RTN4: variants seen among roughly 807,000 people sequenced by gnomAD.
RTN4 encodes reticulon 4, also known as reticulon-4.
Under a neutral mutation model 90.4 loss-of-function variants are expected in RTN4, and 32 were observed. That is an observed-to-expected ratio of 0.35 (90% CI 0.27 to 0.48). The LOEUF (loss-of-function observed/expected upper bound fraction) is 0.48. Ranked by LOEUF, RTN4 falls within the 20% of genes least tolerant of loss-of-function variation. The pLI is 0.99. For missense variants in RTN4, 1,706 were observed against 1,430.2 expected (o/e 1.19, Z -3.11); for synonymous variants, 629 against 552.5 (o/e 1.14, Z -1.94).
intron 3 of RTN4, among the ~76,000 whole-genome samples, chr2:55,008,308 C>T (rs1274755117): frequency 6.6e-6 from 1 of 151,978 alleles, no homozygotes; most frequent in African/African-American, 2.4e-5. Flanking sequence ...CTAGATTAGG[C>T]TCCTTCTCTG....
intron 1 of RTN4, among the ~76,000 whole-genome samples, chr2:55,084,415 A>C (rs1183724814): frequency 6.6e-6 from 1 of 151,446 alleles, no homozygotes; most frequent in Non-Finnish European, 1.5e-5. Flanking sequence ...TGCTGGGATT[A>C]CAGGTGTGAG....
rs1325929250 is a variant in RTN4, at chr2:54,987,719, C to A, written c.3014-21G>T. 18 of 1,563,460 alleles carry A rather than the reference C, an allele frequency of 1.2e-5. No individual in the cohort carries two copies. In the African/African-American group the frequency reaches 2.3e-4, roughly 20 times the overall value. Reference sequence around the variant, plus strand: ...AACAACTAAAAATTGAAAAAGAAATCTGAAATTAGAATGTTATTTTATCAA... The same window carrying A: ...AACAACTAAAAATTGAAAAAGAAATATGAAATTAGAATGTTATTTTATCAA... On this transcript the variant is annotated intron_variant, in intron 3 of 8. Transcript: ENST00000337526.
chr2:55,132,941 G>T, the RTN4 span, among the ~76,000 whole-genome samples: 1 of 150,990 alleles, frequency 6.6e-6, no homozygotes, highest in Non-Finnish European at 1.5e-5. Context: ...GCCGGGTGTG[G>T]TGGCTCACAC....
intron 1 of RTN4, among the ~76,000 whole-genome samples, chr2:55,033,328 C>CA (rs1371316599): frequency 1.3e-5 from 2 of 152,288 alleles, no homozygotes; most frequent in East Asian, 3.9e-4. Flanking sequence ...AAAAAACTGA[C>CA]AATCTAAAAT....
chr2:55,118,285 T>A, the RTN4 span, among the ~76,000 whole-genome samples: 1 of 152,096 alleles, frequency 6.6e-6, no homozygotes, highest in Non-Finnish European at 1.5e-5. Flanking sequence ...AGCAACATAC[T>A]GGGACCTTGC....
At position 55,086,066 on chromosome 2, in the gene RTN4, C is replaced by T. The variant is rs376557818; in HGVS notation, c.-213-5427G>A. Among the ~76,000 whole-genome samples the T allele has an allele frequency of 1.2e-4, 19 of 152,304 alleles. No individual in the cohort carries two copies. The East Asian group carries it at 3.5e-3, about 28-fold the overall frequency. Reference sequence around the variant, plus strand: ...TCTTCATCAGATAGAGCCCTTTCTTCATCACATGGACACTGTGAACAGAAG... The same window carrying T: ...TCTTCATCAGATAGAGCCCTTTCTTTATCACATGGACACTGTGAACAGAAG... On this transcript the variant is annotated intron_variant, in intron 1 of 3. Transcript: ENST00000427710.
intron 2 of RTN4, among the ~76,000 whole-genome samples, chr2:55,063,946 C>T (rs1407924939): frequency 6.6e-6 from 1 of 151,950 alleles, no homozygotes; most frequent in Non-Finnish European, 1.5e-5. Context: ...GCAGGCCAAG[C>T]GCAGTGGCTC....
intron 1 of RTN4, among the ~76,000 whole-genome samples, chr2:55,041,568 A>T (rs1683079943): frequency 6.6e-6 from 1 of 152,116 alleles, no homozygotes; most frequent in African/African-American, 2.4e-5. Flanking sequence ...ATACTACAAG[A>T]ATATGACAAA....
intron 1 of RTN4, among the ~76,000 whole-genome samples, chr2:55,029,631 T>C (rs1021330853): frequency 6.6e-6 from 1 of 152,192 alleles, no homozygotes; most frequent in Non-Finnish European, 1.5e-5. Context: ...TTACCCTTAA[T>C]GAATTAGGAG....
intron 6 of RTN4, chr2:54,974,204 G>A (rs556885086): frequency 7.7e-6 from 2 of 259,140 alleles, no homozygotes; most frequent in South Asian, 1.1e-4. Flanking sequence ...TTTGTTAGTA[G>A]GAGCTGTCTT....
At chr2:55,059,211 C>A (rs1668245533) in intron 2 of RTN4, among the ~76,000 whole-genome samples, 1 of 151,834 alleles carries the variant, frequency 6.6e-6, no homozygotes, top group Admixed American at 6.6e-5. Flanking sequence ...ATGTAAAGCA[C>A]CACAGAAAAA....
intron 2 of RTN4, among the ~76,000 whole-genome samples, chr2:55,074,830 C>T (rs1001024926): frequency 1.3e-5 from 2 of 152,158 alleles, no homozygotes; most frequent in Non-Finnish European, 2.9e-5. Context: ...ACAAAAATCA[C>T]ATGATTATCT....
Position 55,026,801 on chromosome 2 carries a change from T to C in RTN4, c.1298A>G (p.Asn433Ser). Residue 433 changes from asparagine to serine, a missense_variant, in exon 3 of 9, where the codon AAT (asparagine) becomes AGT (serine). Asn to Ser is a conservative substitution (Grantham distance 46). Transcript: ENST00000337526. Reference sequence around the variant, plus strand: ...ACTACTCTCACTATCTTTTTCGTGATTAGTTTGCTCAAGGCTATCTGCAAA... The same window carrying C: ...ACTACTCTCACTATCTTTTTCGTGACTAGTTTGCTCAAGGCTATCTGCAAA... ...KCFADSLEQT[N>S]HEKDSESSND... 2.5e-6 allele frequency: 4 copies of C among 1,614,032 alleles called. No individual in the cohort carries two copies. Among genetic ancestry groups the C allele is most frequent in the Non-Finnish European group, 3.4e-6 (4 of 1,179,928 alleles).
At chr2:54,998,343 A>G (rs566775816) in intron 3 of RTN4, among the ~76,000 whole-genome samples, 4 of 152,192 alleles carry the variant, frequency 2.6e-5, no homozygotes, top group African/African-American at 7.2e-5. Flanking sequence ...AAGAACATGT[A>G]TGTCTTACTA....
intron 2 of RTN4, among the ~76,000 whole-genome samples, chr2:55,071,426 C>T (rs532682660): frequency 5.9e-5 from 9 of 151,328 alleles, no homozygotes; most frequent in South Asian, 4.2e-4. Flanking sequence ...TAAGTCATTA[C>T]GGTCTTTTCA....
intron 2 of RTN4, among the ~76,000 whole-genome samples, chr2:55,077,293 G>A (rs975644865): frequency 5.9e-5 from 9 of 152,224 alleles, no homozygotes; most frequent in Middle Eastern, 3.4e-3. Flanking sequence ...GATTACAGGC[G>A]TGAGCCACCA....
At chr2:54,982,730 T>C (rs1225312868) in intron 4 of RTN4, 77 bp from the exon 5 acceptor site, 9 of 1,439,306 alleles carry the variant, frequency 6.3e-6, no homozygotes, top group Non-Finnish European at 8.4e-6. Context: ...ATTATATATC[T>C]GTAAGAAATT....
intron 3 of RTN4, among the ~76,000 whole-genome samples, chr2:55,004,049 C>T (rs1680034953): frequency 6.6e-6 from 1 of 152,106 alleles, no homozygotes; most frequent in Non-Finnish European, 1.5e-5. Context: ...TACATCCCAG[C>T]ATGTAATCCA....
chr2:55,127,490 T>C, the RTN4 span, among the ~76,000 whole-genome samples: 2 of 152,366 alleles, frequency 1.3e-5, no homozygotes, highest in South Asian at 2.1e-4. Context: ...TCACAAGCTC[T>C]TTGAGGACAG....
Sources: allele counts gnomAD v4.1 joint callset (sites outside exome capture counted in the v4.1 genomes callset), GRCh38; gene constraint gnomAD v4.1.1; transcripts MANE v1.5; gene names NCBI Gene and HGNC (gene_info 2026-07-23, HGNC 2026-07-21).